The following HPSE2 variants were observed in gnomAD, a reference collection of about 807,000 sequenced individuals.
The protein encoded by HPSE2 is heparanase 2 (inactive), also known as inactive heparanase-2.
Under a neutral mutation model 60.5 loss-of-function variants are expected in HPSE2, and 38 were observed. The ratio of observed to expected loss-of-function variants is 0.63; its 90% CI spans 0.48 to 0.82. The LOEUF is 0.82. HPSE2 is among the 40% of genes least tolerant of loss of function. The pLI, the probability that HPSE2 is intolerant of heterozygous loss-of-function variation, is 0.00. For missense variants in HPSE2, 713 were observed against 740.4 expected (o/e 0.96, Z 0.43); for synonymous variants, 295 against 293.2 (o/e 1.01, Z -0.06).
chr10:98,600,833 AAGAT>A (rs1945381247), intron 9 of HPSE2, among the ~76,000 whole-genome samples: 1 of 146,262 alleles, frequency 6.8e-6, no homozygotes, highest in Non-Finnish European at 1.5e-5. Flanking sequence ...GATATACACA[AAGAT>A]ATATATACAC....
chr10:99,206,961 AGAG>A (rs1284172595), intron 2 of HPSE2, among the ~76,000 whole-genome samples: 24 of 152,250 alleles, frequency 1.6e-4, no homozygotes, highest in African/African-American at 5.5e-4. Context: ...AAAAAGAATA[AGAG>A]GAAGACTAGG....
chr10:99,084,334 C>T (rs571615085), intron 3 of HPSE2, among the ~76,000 whole-genome samples: 18 of 151,870 alleles, frequency 1.2e-4, no homozygotes, highest in African/African-American at 4.1e-4. Context: ...TTTTTTTTCC[C>T]CTAAGAAAAG....
At chr10:99,221,322 A>C (rs1849307304) in intron 2 of HPSE2, among the ~76,000 whole-genome samples, 2 of 152,166 alleles carry the variant, frequency 1.3e-5, no homozygotes, top group Non-Finnish European at 2.9e-5. Context: ...GTGGGAAATA[A>C]CCAGTCAACA....
intron 2 of HPSE2, among the ~76,000 whole-genome samples, chr10:99,146,377 C>T (rs976365764): frequency 6.6e-6 from 1 of 152,172 alleles, no homozygotes; most frequent in African/African-American, 2.4e-5. Context: ...AGTTATGTAA[C>T]ATGGTTCTGG....
chr10:98,561,179 T>G (rs1329931105), intron 9 of HPSE2, among the ~76,000 whole-genome samples: 2 of 132,084 alleles, frequency 1.5e-5, no homozygotes, highest in African/African-American at 5.1e-5. Flanking sequence ...TTTTTTTTGT[T>G]TTTTTGACAC....
At chr10:99,257,172 G>A in the HPSE2 span, among the ~76,000 whole-genome samples, 1 of 152,118 alleles carries the variant, frequency 6.6e-6, no homozygotes, top group Non-Finnish European at 1.5e-5. Context: ...ACACTGTGAT[G>A]ATTGCGTTAA....
At chr10:99,005,146 G>C (rs190322261) in intron 3 of HPSE2, among the ~76,000 whole-genome samples, 22 of 152,204 alleles carry the variant, frequency 1.4e-4, no homozygotes, top group Admixed American at 1.2e-3. Flanking sequence ...AACTGAATTT[G>C]ATTGAATACC....
chr10:99,044,037 A>G (rs751765894), intron 3 of HPSE2, among the ~76,000 whole-genome samples: 1 of 152,172 alleles, frequency 6.6e-6, no homozygotes, highest in Non-Finnish European at 1.5e-5. Flanking sequence ...ACTATACAAT[A>G]TGACTATCCC....
At chr10:99,306,300 C>G in the HPSE2 span, among the ~76,000 whole-genome samples, 1 of 152,014 alleles carries the variant, frequency 6.6e-6, no homozygotes, top group African/African-American at 2.4e-5. Context: ...CCTCTTGACC[C>G]ATATCTGGAC....
At chr10:98,679,202 T>A (rs940275927) in intron 6 of HPSE2, among the ~76,000 whole-genome samples, 11 of 152,064 alleles carry the variant, frequency 7.2e-5, no homozygotes, top group Non-Finnish European at 1.3e-4. Flanking sequence ...ACAGGAGAAA[T>A]GAAAGGCAAT....
At chr10:98,805,576 TAA>T (rs1368428192) in intron 3 of HPSE2, among the ~76,000 whole-genome samples, 1 of 151,804 alleles carries the variant, frequency 6.6e-6, no homozygotes, top group African/African-American at 2.4e-5. Flanking sequence ...ATTAAAAAAA[TAA>T]AGAGATGGAA....
At chr10:98,964,251 T>G (rs1175295125) in intron 3 of HPSE2, among the ~76,000 whole-genome samples, 1 of 152,148 alleles carries the variant, frequency 6.6e-6, no homozygotes, top group Non-Finnish European at 1.5e-5. Flanking sequence ...ATGTATAACA[T>G]AATTCCTATT....
At chr10:98,836,819 T>A (rs929845604) in intron 3 of HPSE2, among the ~76,000 whole-genome samples, 1 of 152,100 alleles carries the variant, frequency 6.6e-6, no homozygotes, top group African/African-American at 2.4e-5. Flanking sequence ...GGCAGGTGGA[T>A]CATGAGGTCA....
chr10:98,703,330 C>T (rs1948461428), intron 5 of HPSE2, among the ~76,000 whole-genome samples: 1 of 152,126 alleles, frequency 6.6e-6, no homozygotes, highest in Admixed American at 6.5e-5. Context: ...CCAGACAGAT[C>T]ACAGCTGAAT....
intron 5 of HPSE2, among the ~76,000 whole-genome samples, chr10:98,714,358 C>T (rs1948743737): frequency 6.6e-6 from 1 of 151,812 alleles, no homozygotes; most frequent in South Asian, 2.1e-4. Flanking sequence ...ATTACAGACA[C>T]TCTTCATTTC....
chr10:98,495,849 C>A (rs1284319098), intron 9 of HPSE2, among the ~76,000 whole-genome samples: 1 of 152,088 alleles, frequency 6.6e-6, no homozygotes, highest in Admixed American at 6.5e-5. Context: ...CTTAGTAGAT[C>A]TGCCATCAAG....
intron 8 of HPSE2, among the ~76,000 whole-genome samples, chr10:98,620,219 A>C (rs1946035539): frequency 6.6e-6 from 1 of 152,156 alleles, no homozygotes; most frequent in African/African-American, 2.4e-5. Flanking sequence ...CAGTTCCATC[A>C]ATCATATTTT....
chr10:98,950,521 GA>G (rs551838448), intron 3 of HPSE2, among the ~76,000 whole-genome samples: 1 of 151,920 alleles, frequency 6.6e-6, no homozygotes, highest in African/African-American at 2.4e-5. Flanking sequence ...TATCCTTTTT[GA>G]AAAAATCAAT....
At chr10:98,979,102 A>G (rs990842572) in intron 3 of HPSE2, among the ~76,000 whole-genome samples, 1 of 152,162 alleles carries the variant, frequency 6.6e-6, no homozygotes, top group Admixed American at 6.5e-5. Flanking sequence ...AGTGTTGCCA[A>G]GTGTTTCTAA....
Sources: gnomAD v4.1 joint callset for allele counts (sites outside exome capture counted in the v4.1 genomes callset) on GRCh38, gnomAD v4.1.1 for gene constraint, MANE v1.5 for transcripts, NCBI Gene and HGNC (gene_info 2026-07-23, HGNC 2026-07-21) for gene names.